The following SLC30A5 variants were observed in gnomAD, a reference collection of about 807,000 sequenced individuals.
SLC30A5 encodes solute carrier family 30 member 5, also known as proton-coupled zinc antiporter SLC30A5.
SLC30A5 carries 33 observed loss-of-function variants against 79.6 expected under a neutral mutation model. The ratio of observed to expected loss-of-function variants is 0.41; its 90% CI spans 0.31 to 0.55. SLC30A5 has a LOEUF of 0.55. Ranked by LOEUF, SLC30A5 falls within the 20% of genes least tolerant of loss-of-function variation. The pLI, the probability that SLC30A5 is intolerant of heterozygous loss-of-function variation, is 0.20. For synonymous variants in SLC30A5, 299 were observed against 319.7 expected, an observed-to-expected ratio of 0.94 and a Z score of 0.69; for missense variants, 788 against 928.1, an observed-to-expected ratio of 0.85 and a Z score of 1.96.
intron 1 of SLC30A5, among the ~76,000 whole-genome samples, chr5:69,096,223 T>C (rs1290793695): frequency 1.3e-5 from 2 of 152,206 alleles, no homozygotes; most frequent in Admixed American, 6.5e-5. Flanking sequence ...AAAATACCTC[T>C]GTGTGTGCAT....
At chr5:69,098,037 G>A (rs557843917) in intron 1 of SLC30A5, among the ~76,000 whole-genome samples, 12 of 152,020 alleles carry the variant, frequency 7.9e-5, no homozygotes, top group Admixed American at 6.6e-5. Flanking sequence ...TTGGAGAGAC[G>A]GGGTCTCGCT....
intron 13 of SLC30A5, 85 bp downstream of exon 13, chr5:69,121,980 C>T (rs1227814714): frequency 1.8e-6 from 2 of 1,112,066 alleles, no homozygotes; most frequent in Non-Finnish European, 2.6e-6. Flanking sequence ...TTTTGGGCTT[C>T]TGGTATGATA....
intron 1 of SLC30A5, among the ~76,000 whole-genome samples, chr5:69,095,828 G>A (rs1745711581): frequency 6.6e-6 from 1 of 151,992 alleles, no homozygotes; most frequent in Admixed American, 6.5e-5. Flanking sequence ...GGGAGGCCAA[G>A]GCAGGTGGAT....
intron 7 of SLC30A5, 88 bp from the exon 8 acceptor site, chr5:69,115,135 GAAAAAAAAAAAAAA>G (rs60614154): frequency 0.05 from 26,519 of 534,502 alleles, 224 homozygotes; most frequent in Middle Eastern, 0.073. Context: ...TGTCTCTGGG[GAAAAAAAAAAAAAA>G]AAAAAAAAAA....
intron 3 of SLC30A5, 98 bp downstream of exon 3, chr5:69,103,226 T>C (rs1745983072): frequency 3.1e-6 from 2 of 635,768 alleles, no homozygotes; most frequent in African/African-American, 3.7e-5. Context: ...ATGAATGATT[T>C]AAGTATGCCA....
At chr5:69,099,358 T>A (rs1745840077) in intron 1 of SLC30A5, among the ~76,000 whole-genome samples, 1 of 152,206 alleles carries the variant, frequency 6.6e-6, no homozygotes, top group Non-Finnish European at 1.5e-5. Context: ...TGAGAATAAG[T>A]TACATAATTC....
Position 69,130,984 on chromosome 5 carries a change from G to C in SLC30A5, c.*1367G>C, listed in dbSNP as rs994790500. ...ATATGAGGGGTTTTAGAAATTTGTT[G>C]TAAGTTATTTTTATATTCCTTGTCT... On this transcript the variant is annotated 3_prime_UTR_variant, in exon 16 of 16. Coordinates refer to ENST00000396591, the MANE Select transcript of SLC30A5 (RefSeq NM_022902.5). 2 of 152,048 alleles carry C rather than the reference G, an allele frequency of 1.3e-5. No individual in the cohort carries two copies. Among genetic ancestry groups the C allele is most frequent in the African/African-American group, 4.8e-5 (2 of 41,412 alleles). 9.4% of individuals were successfully genotyped at this position (152,048 alleles called of 1,614,324 possible). A position where few individuals can be genotyped will look rare whatever the true frequency, so the allele number is the denominator to read the frequency against.
chr5:69,116,053 A>G lies in SLC30A5; in HGVS notation c.911A>G (p.Tyr304Cys), dbSNP rs781542535. The G allele has an allele frequency of 1.9e-6, 3 of 1,613,964 alleles. No individual in the cohort carries two copies. In the South Asian group the frequency reaches 3.3e-5, roughly 18 times the overall value. ...ATGGAAGTTTCCAAATGTGCTCGTT[A>G]TGGATCCTTTCCCATTTTTATTAGT... ...VKMEVSKCAR[Y>C]GSFPIFISAL... Residue 304 changes from tyrosine to cysteine, a missense_variant, in exon 9 of 16, where the codon TAT becomes TGT. Around this residue, in one of 3 missense-constraint regions of SLC30A5, gnomAD observed 626 missense variants for 755.5 expected, o/e 0.83. Transcript: ENST00000396591. This position sits in a 1 kb window ranked among gnomAD's most constrained non-coding sequence, Gnocchi z 4.0.
intron 14 of SLC30A5, among the ~76,000 whole-genome samples, chr5:69,126,875 G>GAA (rs139486374): frequency 2.7e-5 from 4 of 145,684 alleles, no homozygotes; most frequent in African/African-American, 7.6e-5. Flanking sequence ...GTGCAAAAAA[G>GAA]AAAAAAAAAA....
intron 8 of SLC30A5, 36 bp downstream of exon 8, chr5:69,115,443 G>A (rs1284148813): frequency 6.6e-7 from 1 of 1,507,096 alleles, no homozygotes; most frequent in Admixed American, 1.9e-5. Context: ...GTATTAAATT[G>A]CTAGTAAAAT....
intron 14 of SLC30A5, among the ~76,000 whole-genome samples, chr5:69,126,546 AG>A (rs1561300098): frequency 6.6e-6 from 1 of 152,104 alleles, no homozygotes; most frequent in East Asian, 1.9e-4. Flanking sequence ...GCGGATCACA[AG>A]GTCAGGAGTT....
Position 69,116,666 on chromosome 5 carries a change from G to A in SLC30A5, c.1281+64G>A. 8.4e-7 allele frequency: 1 copy of A among 1,184,798 alleles called. No homozygotes were observed. Among genetic ancestry groups the A allele is most frequent in the African/African-American group, 1.6e-5 (1 of 64,240 alleles). 73.4% of individuals were successfully genotyped at this position (1,184,798 alleles called of 1,614,324 possible). On this transcript the variant is annotated intron_variant, in intron 10 of 15. Coordinates refer to ENST00000396591, the MANE Select transcript of SLC30A5 (RefSeq NM_022902.5). This position sits in a 1 kb window ranked among gnomAD's most constrained non-coding sequence, Gnocchi z 4.0. ...ATAATATTTTAATTTTGACAGTTCT[G>A]GTATAAGTTTAGTACTTCCCAAATT...
At chr5:69,099,432 CAG>C (rs1294430337) in intron 1 of SLC30A5, among the ~76,000 whole-genome samples, 3 of 152,176 alleles carry the variant, frequency 2.0e-5, no homozygotes, top group African/African-American at 7.2e-5. Context: ...ATAAAGCCAG[CAG>C]AGTTGTCTAC....
intron 5 of SLC30A5, among the ~76,000 whole-genome samples, chr5:69,112,873 T>C (rs771041093): frequency 7.2e-5 from 11 of 152,164 alleles, no homozygotes; most frequent in Non-Finnish European, 1.2e-4. Context: ...CTGTAAACAG[T>C]ACCAATTTGT....
chr5:69,115,327 A>G lies in SLC30A5; in HGVS notation c.703A>G (p.Lys235Glu). ...RKLSVDVGGA[K>E]RLQALSHLVS... ...GCTCTCTGTCGACGTTGGTGGAGCT[A>G]AACGTCTTCAAGCTTTATCTCATCT... Residue 235 changes from lysine (K) to glutamate (E), a missense_variant, in exon 8 of 16, where the codon AAA becomes GAA. Around this residue, in one of 3 missense-constraint regions of SLC30A5, gnomAD observed 626 missense variants for 755.5 expected, o/e 0.83. Transcript: ENST00000396591. 6.2e-7 allele frequency: 1 copy of G among 1,613,896 alleles called. No individual in the cohort carries two copies.
chr5:69,100,498 C>T (rs999195687), intron 1 of SLC30A5, among the ~76,000 whole-genome samples: 4 of 151,700 alleles, frequency 2.6e-5, no homozygotes, highest in Non-Finnish European at 5.9e-5. Flanking sequence ...CAGTAGGGCG[C>T]GGTGGCTCAC....
intron 10 of SLC30A5, 58 bp from the exon 11 acceptor site, chr5:69,117,181 C>T: frequency 7.1e-7 from 1 of 1,407,918 alleles, no homozygotes; most frequent in Non-Finnish European, 9.8e-7. Context: ...GGTTAAAATC[C>T]TCCTAATTGA....
intron 1 of SLC30A5, among the ~76,000 whole-genome samples, chr5:69,100,529 G>T (rs575759178): frequency 1.7e-4 from 26 of 151,366 alleles, no homozygotes; most frequent in African/African-American, 5.8e-4. Context: ...CTAGCACTTT[G>T]GGAGACCAAG....
chr5:69,115,512 T>A, intron 8 of SLC30A5, 105 bp downstream of exon 8: 1 of 916,870 alleles, frequency 1.1e-6, no homozygotes, highest in Non-Finnish European at 1.6e-6. Flanking sequence ...AATTTGAGGT[T>A]GAAAGTGGCT....
Sources: allele counts gnomAD v4.1 joint callset (sites outside exome capture counted in the v4.1 genomes callset), GRCh38; gene constraint gnomAD v4.1.1; regional missense constraint gnomAD v4.1.1; non-coding constraint Gnocchi (gnomAD v3.1); transcripts MANE v1.5; gene names NCBI Gene and HGNC (gene_info 2026-07-23, HGNC 2026-07-21).